PTPRF: variants seen among roughly 807,000 people sequenced by gnomAD.
PTPRF encodes the protein receptor-type tyrosine-protein phosphatase F.
Under a neutral mutation model 201.8 loss-of-function variants are expected in PTPRF, and 59 were observed. The observed-to-expected ratio is 0.29, with a 90% CI of 0.24 to 0.36. PTPRF has a LOEUF of 0.36. PTPRF is among the 10% of genes least tolerant of loss of function. The pLI, the probability that PTPRF is intolerant of heterozygous loss-of-function variation, is 1.00. For synonymous variants in PTPRF, 1,088 were observed against 1,089.7 expected, an observed-to-expected ratio of 1.00 and a Z score of 0.03; for missense variants, 2,132 against 2,690.5, an observed-to-expected ratio of 0.79 and a Z score of 4.59.
chr1:43,564,668 C>A (rs957780899), intron 5 of PTPRF, among the ~76,000 whole-genome samples: 1 of 152,164 alleles, frequency 6.6e-6, no homozygotes, highest in African/African-American at 2.4e-5. Context: ...GAGGCCAGGC[C>A]CAACACTCAA....
At chr1:43,540,040 G>A (rs941846128) in intron 2 of PTPRF, among the ~76,000 whole-genome samples, 1 of 152,132 alleles carries the variant, frequency 6.6e-6, no homozygotes, top group Non-Finnish European at 1.5e-5. Context: ...AATTGGCAAA[G>A]GATCTTGTTG....
intron 3 of PTPRF, among the ~76,000 whole-genome samples, chr1:43,549,041 C>T (rs985597475): frequency 1.3e-5 from 2 of 152,168 alleles, no homozygotes; most frequent in South Asian, 2.1e-4. Flanking sequence ...CTTGGTGGCT[C>T]GAGAATGTTG....
intron 11 of PTPRF, among the ~76,000 whole-genome samples, chr1:43,593,160 C>T (rs955719384): frequency 8.6e-5 from 13 of 151,660 alleles, no homozygotes; most frequent in Non-Finnish European, 1.5e-4. Context: ...ATTGTGACCA[C>T]GTGGCCGTGC....
At chr1:43,543,418 T>A (rs1414692323) in intron 2 of PTPRF, among the ~76,000 whole-genome samples, 1 of 152,160 alleles carries the variant, frequency 6.6e-6, no homozygotes. Context: ...CTATCAACGT[T>A]CTTACTTGAA....
At chr1:43,572,303 G>T (rs916775317) in intron 6 of PTPRF, among the ~76,000 whole-genome samples, 2 of 152,198 alleles carry the variant, frequency 1.3e-5, no homozygotes, top group Non-Finnish European at 2.9e-5. Flanking sequence ...TTGACCTTTG[G>T]CACTTGTCCC....
At chr1:43,551,222 G>A (rs568457661) in intron 3 of PTPRF, among the ~76,000 whole-genome samples, 4 of 152,152 alleles carry the variant, frequency 2.6e-5, no homozygotes, top group East Asian at 3.9e-4. Context: ...GTGTGGCAGC[G>A]CAGGTGGAGA....
rs979764942 is a variant in PTPRF at position 43,546,913 on chromosome 1, C to T, written c.91+1747C>T. On this transcript the variant is annotated intron_variant, in intron 3 of 33. Transcript: ENST00000359947. This position sits in a 1 kb window ranked among gnomAD's most constrained non-coding sequence, Gnocchi z 4.2. ...ATATCTTTGGAATGCATCCACTTCT[C>T]TCTCTACCGCCTTCATCCAAGCCAC... Among the ~76,000 whole-genome samples, 1 of 152,236 alleles carries T rather than the reference C, an allele frequency of 6.6e-6. No homozygotes were observed. Among genetic ancestry groups the T allele is most frequent in the Non-Finnish European group, 1.5e-5 (1 of 68,044 alleles).
At chr1:43,551,042 G>T (rs564253482) in intron 3 of PTPRF, among the ~76,000 whole-genome samples, 2 of 152,144 alleles carry the variant, frequency 1.3e-5, no homozygotes, top group African/African-American at 4.8e-5. Flanking sequence ...AGAGTGATTC[G>T]GCAGGTCTTT....
chr1:43,620,768 C>T, intron 31 of PTPRF, 70 bp from the exon 32 acceptor site: 2 of 1,564,108 alleles, frequency 1.3e-6, no homozygotes, highest in Non-Finnish European at 1.7e-6. Flanking sequence ...TGGTACTACC[C>T]TGGTCTAGTC....
At position 43,537,383 on chromosome 1, in the gene PTPRF, T is replaced by C. The variant is rs1644088608; in HGVS notation, c.-125-815T>C. ...TCTGAAGCTTCTTTGAAGACTGGCATGTATGTTGGGGTGTGTTCTTCCAGG... is the reference window on the plus strand; with the variant it reads ...TCTGAAGCTTCTTTGAAGACTGGCACGTATGTTGGGGTGTGTTCTTCCAGG... On this transcript the variant is annotated intron_variant, in intron 1 of 33. Coordinates refer to ENST00000359947, the MANE Select transcript of PTPRF (RefSeq NM_002840.5). The surrounding 1 kb of genome is among the most constrained non-coding windows in gnomAD (Gnocchi z 4.8). 1.3e-5 allele frequency among the ~76,000 whole-genome samples: 2 copies of C among 152,196 alleles called. No homozygotes were observed. Among genetic ancestry groups the C allele is most frequent in the Admixed American group, 6.5e-5 (1 of 15,290 alleles).
chr1:43,526,214 G>A (rs1030201109), upstream of PTPRF, among the ~76,000 whole-genome samples: 7 of 152,060 alleles, frequency 4.6e-5, no homozygotes, highest in African/African-American at 1.4e-4. Flanking sequence ...TGTTTTCTCC[G>A]GGAAACATAA....
At chr1:43,571,832 C>G (rs1158986389) in intron 6 of PTPRF, among the ~76,000 whole-genome samples, 1 of 152,248 alleles carries the variant, frequency 6.6e-6, no homozygotes, top group Non-Finnish European at 1.5e-5. Flanking sequence ...CTGCCCGTGT[C>G]TCATCGGGTC....
intron 22 of PTPRF, chr1:43,612,679 T>C (rs1345269752): frequency 1.7e-6 from 2 of 1,185,952 alleles, no homozygotes; most frequent in African/African-American, 3.1e-5. Flanking sequence ...CCACTGTGTG[T>C]GATGGTGCTG....
chr1:43,598,706 A>G lies in PTPRF; in HGVS notation c.2120-14A>G, dbSNP rs776856685. ...ACCTCCAGGCCTGACTTCCTTCTCT[A>G]CCTGACCCCCCAGTGCCCAGCGGGC... On this transcript the variant is annotated splice_polypyrimidine_tract_variant and intron_variant, in intron 12 of 33. Transcript: ENST00000359947. 16 of 1,608,446 alleles carry G rather than the reference A, an allele frequency of 9.9e-6. No homozygotes were observed. In the South Asian group the frequency reaches 1.1e-4, roughly 11 times the overall value.
At chr1:43,565,214 C>T (rs1646076055) in intron 5 of PTPRF, among the ~76,000 whole-genome samples, 1 of 152,204 alleles carries the variant, frequency 6.6e-6, no homozygotes. Context: ...AGCTCCAACA[C>T]TGCTGTGGGA....
At position 43,569,667 on chromosome 1, in the gene PTPRF, A is replaced by G. The variant is rs1288313499; in HGVS notation, c.457A>G (p.Thr153Ala). Reference sequence around the variant, plus strand: ...GGTGGTGGAGAAGGCACGCACAGCCACCATGCTATGTGCCGCAGGCGGAAA... The same window carrying G: ...GGTGGTGGAGAAGGCACGCACAGCCGCCATGCTATGTGCCGCAGGCGGAAA... ...LKVVEKARTA[T>A]MLCAAGGNPD... Residue 153 changes from threonine to alanine, a missense_variant, in exon 6 of 34, where the codon ACC (threonine) becomes GCC (alanine). Around this residue, in one of 6 missense-constraint regions of PTPRF, gnomAD observed 297 missense variants for 454.0 expected, o/e 0.65. Coordinates refer to ENST00000359947, the MANE Select transcript of PTPRF (RefSeq NM_002840.5). 1.2e-6 allele frequency: 2 copies of G among 1,614,066 alleles called. No individual in the cohort carries two copies. The highest frequency in any genetic ancestry group is 1.1e-5 in the South Asian group (1 of 91,082).
rs1644652415 is a variant in PTPRF at position 43,546,050 on chromosome 1, CCTG to C, written c.91+885_91+887del. Among the ~76,000 whole-genome samples the C allele has an allele frequency of 6.6e-6, 1 of 152,148 alleles. No individual in the cohort carries two copies. Among genetic ancestry groups the C allele is most frequent in the Non-Finnish European group, 1.5e-5 (1 of 68,012 alleles). On this transcript the variant is annotated intron_variant, in intron 3 of 33. Transcript: ENST00000359947. This position sits in a 1 kb window ranked among gnomAD's most constrained non-coding sequence, Gnocchi z 4.2. ...CCCTGGGGGAAGGGGCCGTTCCCAGCCTGTCCAGAGCCCAGGGGTGATCCAGGG... is the reference window on the plus strand; with the variant it reads ...CCCTGGGGGAAGGGGCCGTTCCCAGCTCCAGAGCCCAGGGGTGATCCAGGG...
chr1:43,550,029 T>C (rs1420028301), intron 3 of PTPRF, among the ~76,000 whole-genome samples: 1 of 152,118 alleles, frequency 6.6e-6, no homozygotes, highest in African/African-American at 2.4e-5. Context: ...ACGCCTTGTC[T>C]CCTGTGCTGT....
chr1:43,605,674 G>T (rs1246179552), intron 19 of PTPRF, 52 bp downstream of exon 19: 1 of 1,536,338 alleles, frequency 6.5e-7, no homozygotes, highest in South Asian at 1.1e-5. Context: ...GTGGTCAGCT[G>T]TGGCCTTCCT....
Sources: allele counts gnomAD v4.1 joint callset (sites outside exome capture counted in the v4.1 genomes callset), GRCh38; gene constraint gnomAD v4.1.1; regional missense constraint gnomAD v4.1.1; non-coding constraint Gnocchi (gnomAD v3.1); transcripts MANE v1.5; gene names NCBI Gene and HGNC (gene_info 2026-07-23, HGNC 2026-07-21).